STXBP6: variants seen among roughly 807,000 people sequenced by gnomAD.
STXBP6 encodes syntaxin-binding protein 6.
Under a neutral mutation model 26.9 loss-of-function variants are expected in STXBP6, and 21 were observed. The observed-to-expected ratio is 0.78, with a 90% CI of 0.55 to 1.12. The LOEUF is 1.12. STXBP6 is among the 50% of genes most tolerant of loss of function. The pLI, the probability that STXBP6 is intolerant of heterozygous loss-of-function variation, is 0.00. For missense variants in STXBP6, 232 were observed against 257.9 expected, an observed-to-expected ratio of 0.90 and a Z score of 0.69; for synonymous variants, 97 against 92.6, an observed-to-expected ratio of 1.05 and a Z score of -0.27.
At chr14:24,829,403 T>A (rs1257115154) in intron 4 of STXBP6, among the ~76,000 whole-genome samples, 1 of 152,178 alleles carries the variant, frequency 6.6e-6, no homozygotes, top group Non-Finnish European at 1.5e-5. Flanking sequence ...TTAAGAAAAT[T>A]TGACTTTTCA....
chr14:24,861,087 G>T (rs1335785442), intron 2 of STXBP6, among the ~76,000 whole-genome samples: 2 of 152,060 alleles, frequency 1.3e-5, no homozygotes, highest in African/African-American at 2.4e-5. Context: ...GCACTAAATA[G>T]CTATAGTTTG....
At position 24,850,526 on chromosome 14, in the gene STXBP6, T is replaced by C. The variant is rs143338847; in HGVS notation, c.451+5410A>G. The stretch of plus-strand genomic sequence containing the variant: ...TTCAAATTCTGAATACAGCTAACAT[T>C]GAAATAAAATTGTCTGGATTAACTG... On this transcript the variant is annotated intron_variant, in intron 4 of 5. Coordinates refer to ENST00000323944, the MANE Select transcript of STXBP6 (RefSeq NM_001394410.1). Among the ~76,000 whole-genome samples the C allele has an allele frequency of 7.4e-3, 1,129 of 152,242 alleles. 3 individuals are homozygous for C. Among genetic ancestry groups the C allele is most frequent in the Non-Finnish European group, 0.012 (811 of 67,992 alleles).
chr14:25,004,450 C>A (rs2074842226), intron 1 of STXBP6, among the ~76,000 whole-genome samples: 1 of 152,230 alleles, frequency 6.6e-6, no homozygotes, highest in Non-Finnish European at 1.5e-5. Context: ...AAGGGCAATA[C>A]TAAGCATGGG....
intron 1 of STXBP6, among the ~76,000 whole-genome samples, chr14:25,034,934 C>T (rs1345160823): frequency 2.6e-5 from 4 of 151,916 alleles, no homozygotes; most frequent in East Asian, 3.9e-4. Flanking sequence ...GCAGATCACC[C>T]GAAGTCAGGA....
intron 2 of STXBP6, among the ~76,000 whole-genome samples, chr14:24,874,422 C>T (rs922167243): frequency 2.0e-5 from 3 of 152,042 alleles, no homozygotes; most frequent in Non-Finnish European, 2.9e-5. Context: ...GTGTGGAAAG[C>T]CCCTTGCCCT....
At chr14:24,982,249 G>C (rs1411323463) in intron 1 of STXBP6, among the ~76,000 whole-genome samples, 5 of 152,126 alleles carry the variant, frequency 3.3e-5, no homozygotes, top group Non-Finnish European at 5.9e-5. Flanking sequence ...CTCCAGTCCA[G>C]GCATAGTGTT....
chr14:24,914,389 T>C (rs1436083454), intron 2 of STXBP6, among the ~76,000 whole-genome samples: 1 of 152,160 alleles, frequency 6.6e-6, no homozygotes. Context: ...TGGCTTTTTA[T>C]TTTACTTTTT....
At position 24,812,713 on chromosome 14, in the gene STXBP6, C is replaced by T. The variant is rs761604711; in HGVS notation, c.629G>A (p.Cys210Tyr). Residue 210 changes from cysteine (C) to tyrosine (Y), a missense_variant, in exon 6 of 6, where the codon TGT (cysteine) becomes TAT (tyrosine). Coordinates refer to ENST00000323944, the MANE Select transcript of STXBP6 (RefSeq NM_001394410.1). ...GTCACCAGGATAGGCAGTTTCTCAA[C>T]ATTTGTGCTTCATGGCAAGCTAAGG... ...TAHKLAMKHKC is the reference protein window; with the variant it reads ...TAHKLAMKHKY 3 of 1,613,664 alleles carry T rather than the reference C, an allele frequency of 1.9e-6. No homozygotes were observed. The highest frequency in any genetic ancestry group is 1.7e-5 in the Admixed American group (1 of 59,984).
intron 2 of STXBP6, among the ~76,000 whole-genome samples, chr14:24,967,549 A>G (rs1057344022): frequency 1.3e-5 from 2 of 152,250 alleles, no homozygotes; most frequent in African/African-American, 4.8e-5. Context: ...TAAATGGTAT[A>G]ACAAAGGATA....
intron 2 of STXBP6, among the ~76,000 whole-genome samples, chr14:24,952,482 AAT>A (rs1401531738): frequency 0.013 from 2,043 of 152,244 alleles, 43 homozygotes; most frequent in African/African-American, 0.046. Flanking sequence ...ATTAATCTAA[AAT>A]GTCATTTTGT....
Position 24,837,292 on chromosome 14 carries a change from A to C in STXBP6, c.452-18098T>G, listed in dbSNP as rs865784921. 3.9e-5 allele frequency among the ~76,000 whole-genome samples: 6 copies of C among 152,330 alleles called. No homozygotes were observed. The South Asian group carries it at 1.2e-3, about 32-fold the overall frequency. ...ATGCAAACTTAAAGGCCAACCAGAC[A>C]ACTATTTTCATCAAAGTATTTAAAT... On this transcript the variant is annotated intron_variant, in intron 4 of 5. Transcript: ENST00000323944.
At chr14:24,867,043 C>G (rs781710635) in intron 2 of STXBP6, among the ~76,000 whole-genome samples, 26 of 152,224 alleles carry the variant, frequency 1.7e-4, no homozygotes, top group Non-Finnish European at 3.1e-4. Flanking sequence ...TTGATGGTTA[C>G]TCTGCAAAAT....
chr14:24,853,863 A>T (rs1485482149), intron 4 of STXBP6, among the ~76,000 whole-genome samples: 1 of 152,102 alleles, frequency 6.6e-6, no homozygotes, highest in African/African-American at 2.4e-5. Context: ...GGCTGGCTCA[A>T]TGATGGACAG....
At chr14:24,985,724 C>T (rs1257599209) in intron 1 of STXBP6, among the ~76,000 whole-genome samples, 1 of 152,214 alleles carries the variant, frequency 6.6e-6, no homozygotes, top group East Asian at 1.9e-4. Context: ...AATAAGCTAA[C>T]CAACCACATT....
In STXBP6 at chr14:24,843,760, A is replaced by T. The variant is rs145502165; in HGVS notation, c.451+12176T>A. ...TAATGACATCATACCACATCCTACC[A>T]GGAAGACAAGATTTATAAACAACAT... On this transcript the variant is annotated intron_variant, in intron 4 of 5. Transcript: ENST00000323944. Among the ~76,000 whole-genome samples the T allele has an allele frequency of 8.1e-3, 1,236 of 152,296 alleles. 17 individuals carry two copies. Among genetic ancestry groups the T allele is most frequent in the African/African-American group, 0.029 (1,185 of 41,556 alleles).
chr14:25,005,974 T>A (rs1294933680), intron 1 of STXBP6, among the ~76,000 whole-genome samples: 1 of 152,186 alleles, frequency 6.6e-6, no homozygotes, highest in Non-Finnish European at 1.5e-5. Flanking sequence ...ACTTTGGACT[T>A]TAGGGATTTT....
chr14:24,846,459 C>T (rs1251927392), intron 4 of STXBP6, among the ~76,000 whole-genome samples: 1 of 152,084 alleles, frequency 6.6e-6, no homozygotes, highest in African/African-American at 2.4e-5. Flanking sequence ...ATCGTTTGGC[C>T]ACCATAAGGT....
chr14:24,884,510 T>TAAACAAAC (rs775713331), intron 2 of STXBP6, among the ~76,000 whole-genome samples: 12 of 152,068 alleles, frequency 7.9e-5, no homozygotes, highest in Middle Eastern at 3.2e-3. Context: ...CCAAAAGCAA[T>TAAACAAAC]AAACAAACAA....
At chr14:24,953,667 T>TTC (rs1478231050) in intron 2 of STXBP6, among the ~76,000 whole-genome samples, 1 of 152,228 alleles carries the variant, frequency 6.6e-6, no homozygotes, top group African/African-American at 2.4e-5. Context: ...GCTGATTAAT[T>TTC]TCTCTCTCTC....
Sources: allele counts gnomAD v4.1 joint callset (sites outside exome capture counted in the v4.1 genomes callset), GRCh38; gene constraint gnomAD v4.1.1; transcripts MANE v1.5; gene names NCBI Gene and HGNC (gene_info 2026-07-23, HGNC 2026-07-21).